The following HOMER1 variants were observed in gnomAD, a reference collection of about 807,000 sequenced individuals.
The protein encoded by HOMER1 is homer protein homolog 1.
Under a neutral mutation model 48.9 loss-of-function variants are expected in HOMER1, and 3 were observed. That is an observed-to-expected ratio of 0.06 (90% CI 0.03 to 0.16). HOMER1 has a LOEUF of 0.16. Ranked by LOEUF, HOMER1 falls within the 10% of genes least tolerant of loss-of-function variation. The pLI is 1.00. For missense variants in HOMER1, 247 were observed against 411.4 expected, an observed-to-expected ratio of 0.60 and a Z score of 3.46; for synonymous variants, 134 against 146.4, an observed-to-expected ratio of 0.92 and a Z score of 0.61.
chr5:79,412,584 T>G (rs140987828), intron 5 of HOMER1, among the ~76,000 whole-genome samples: 7,482 of 152,238 alleles, frequency 0.049, 244 homozygotes, highest in South Asian at 0.087. Context: ...AAAACTGAAC[T>G]GGTATTGGAA....
intron 6 of HOMER1, among the ~76,000 whole-genome samples, chr5:79,401,202 A>G (rs1323016883): frequency 2.0e-5 from 3 of 152,186 alleles, no homozygotes; most frequent in Non-Finnish European, 4.4e-5. Flanking sequence ...CAACTCATTG[A>G]GACAGTGCAA....
intron 8 of HOMER1, among the ~76,000 whole-genome samples, chr5:79,379,334 ATTTATATAT>A (rs1217309997): frequency 4.6e-5 from 5 of 107,732 alleles, no homozygotes; most frequent in African/African-American, 1.5e-4. Flanking sequence ...ATTTATATAT[ATTTATATAT>A]TTTATATATT....
intron 5 of HOMER1, among the ~76,000 whole-genome samples, chr5:79,436,734 C>G (rs937818367): frequency 7.2e-5 from 11 of 152,182 alleles, no homozygotes; most frequent in Admixed American, 2.6e-4. Flanking sequence ...GAGGTTTCTT[C>G]TAGCTCTGAT....
intron 4 of HOMER1, among the ~76,000 whole-genome samples, chr5:79,443,918 G>A (rs560813306): frequency 2.6e-5 from 4 of 152,256 alleles, no homozygotes; most frequent in Admixed American, 6.5e-5. Context: ...ACACACTTGT[G>A]TTAAACAACC....
intron 2 of HOMER1, among the ~76,000 whole-genome samples, chr5:79,455,939 G>A (rs188219208): frequency 1.8e-4 from 28 of 152,178 alleles, no homozygotes; most frequent in Non-Finnish European, 2.9e-4. Context: ...GACAGATCGA[G>A]AGGTCAGGAG....
chr5:79,414,824 T>C (rs573147055), intron 5 of HOMER1, among the ~76,000 whole-genome samples: 198 of 152,242 alleles, frequency 1.3e-3, no homozygotes, highest in African/African-American at 4.5e-3. Context: ...TCCACCACCT[T>C]TGCAACATAG....
intron 1 of HOMER1, among the ~76,000 whole-genome samples, chr5:79,486,780 T>C (rs542772270): frequency 6.3e-4 from 96 of 152,318 alleles, no homozygotes; most frequent in African/African-American, 2.2e-3. Context: ...CAGATTCCTA[T>C]AGACTATGGT....
At position 79,439,080 on chromosome 5, in the gene HOMER1, T is replaced by G. The variant is rs777238439; in HGVS notation, c.457A>C (p.Thr153Pro). Reference protein sequence around the residue: ...ESINGTDDERTPDVTQNSEPR... With the variant: ...ESINGTDDERPPDVTQNSEPR... ...TCTGAGTTCTGTGTCACATCAGGTGTTCTTTCATCATCTGTCCCGTTGATA... is the reference window on the plus strand; with the variant it reads ...TCTGAGTTCTGTGTCACATCAGGTGGTCTTTCATCATCTGTCCCGTTGATA... The change falls in exon 5 of 9, where the codon ACA (threonine) becomes CCA (proline). Residue 153 changes from threonine to proline, a missense_variant. Around this residue, in one of 4 missense-constraint regions of HOMER1, gnomAD observed 94 missense variants for 112.4 expected, o/e 0.84. Transcript: ENST00000334082. The G allele has an allele frequency of 8.7e-6, 14 of 1,613,876 alleles. No individual in the cohort carries two copies. The East Asian group carries it at 3.1e-4, about 36-fold the overall frequency.
intron 5 of HOMER1, among the ~76,000 whole-genome samples, chr5:79,412,841 T>C (rs148910381): frequency 6.6e-6 from 1 of 152,328 alleles, no homozygotes; most frequent in East Asian, 1.9e-4. Context: ...ATGTTGGAAT[T>C]ATCTCACAAA....
At chr5:79,437,800 G>C (rs190136747) in intron 5 of HOMER1, among the ~76,000 whole-genome samples, 272 of 152,236 alleles carry the variant, frequency 1.8e-3, no homozygotes, top group African/African-American at 6.5e-3. Flanking sequence ...CTACAGGTGT[G>C]TGCACCAACA....
chr5:79,507,241 A>C (rs1360393472), intron 1 of HOMER1, among the ~76,000 whole-genome samples: 37 of 149,828 alleles, frequency 2.5e-4, no homozygotes, highest in African/African-American at 8.8e-4. Flanking sequence ...AAAAACCAAA[A>C]CAAAAAAAAA....
intron 1 of HOMER1, among the ~76,000 whole-genome samples, chr5:79,496,588 C>A (rs1199688669): frequency 6.6e-6 from 1 of 152,122 alleles, no homozygotes; most frequent in African/African-American, 2.4e-5. Flanking sequence ...GCCAGTTCAC[C>A]ACCTAAATAT....
intron 1 of HOMER1, among the ~76,000 whole-genome samples, chr5:79,469,724 C>T (rs577570128): frequency 6.6e-4 from 101 of 151,898 alleles, no homozygotes; most frequent in African/African-American, 2.4e-3. Context: ...ACTTGAACTC[C>T]TGGGCTCAAG....
rs547077502 is a variant in HOMER1, at chr5:79,390,775, A to G, written c.876+6048T>C. Among the ~76,000 whole-genome samples the G allele has an allele frequency of 4.1e-4, 62 of 152,284 alleles. 2 individuals carry two copies. The South Asian group carries it at 8.7e-3, about 21-fold the overall frequency. ...AATAGAACTATAAATTAATAACTAAATCAAAAGATTAAAAAAGACCCTTCC... is the reference window on the plus strand; with the variant it reads ...AATAGAACTATAAATTAATAACTAAGTCAAAAGATTAAAAAAGACCCTTCC... On this transcript the variant is annotated intron_variant, in intron 8 of 8. Transcript: ENST00000334082.
chr5:79,479,386 C>T (rs944496673), intron 1 of HOMER1, among the ~76,000 whole-genome samples: 6 of 152,076 alleles, frequency 3.9e-5, no homozygotes, highest in East Asian at 1.9e-4. Flanking sequence ...CTGGATTAGC[C>T]GAGTGGGCCC....
intron 8 of HOMER1, among the ~76,000 whole-genome samples, chr5:79,385,468 A>T (rs1749084921): frequency 1.3e-5 from 2 of 152,220 alleles, no homozygotes; most frequent in Admixed American, 1.3e-4. Flanking sequence ...TCAAAAGAAG[A>T]CATATTATGG....
chr5:79,421,969 C>T (rs1750112782), intron 5 of HOMER1, among the ~76,000 whole-genome samples: 1 of 152,086 alleles, frequency 6.6e-6, no homozygotes, highest in South Asian at 2.1e-4. Context: ...GCTCACACCT[C>T]TAATCCCAGC....
At chr5:79,480,193 C>A (rs1045130508) in intron 1 of HOMER1, among the ~76,000 whole-genome samples, 10 of 151,884 alleles carry the variant, frequency 6.6e-5, no homozygotes, top group African/African-American at 2.2e-4. Context: ...AATAAAACAA[C>A]AACAGAAGAA....
intron 1 of HOMER1, among the ~76,000 whole-genome samples, chr5:79,486,284 TG>T (rs905443317): frequency 2.6e-5 from 4 of 151,716 alleles, no homozygotes; most frequent in Admixed American, 6.6e-5. Flanking sequence ...GCTAAACAAT[TG>T]TTTTTTTAAG....
Sources: gnomAD v4.1 joint callset for allele counts (sites outside exome capture counted in the v4.1 genomes callset) on GRCh38, gnomAD v4.1.1 for gene constraint, gnomAD v4.1.1 regional missense constraint, MANE v1.5 for transcripts, NCBI Gene and HGNC (gene_info 2026-07-23, HGNC 2026-07-21) for gene names.